Variants in DOCK4 observed in about 807,000 individuals in gnomAD.
DOCK4 encodes dedicator of cytokinesis 4, also known as dedicator of cytokinesis protein 4.
In DOCK4, 97 loss-of-function variants were observed where a neutral mutation model predicts 268.1. The observed-to-expected ratio is 0.36, with a 90% CI of 0.31 to 0.43. The LOEUF (loss-of-function observed/expected upper bound fraction) is 0.43, where lower values mean the gene tolerates loss of function less well. DOCK4 is among the 20% of genes least tolerant of loss of function. The probability of loss-of-function intolerance (pLI) is 1.00; values close to 1 mark genes in which losing one functional copy is unlikely to be tolerated. For missense variants in DOCK4, 2,145 were observed against 2,455.7 expected (o/e 0.87, Z 2.67); for synonymous variants, 954 against 887.2 (o/e 1.08, Z -1.34).
chr7:111,815,321 C>T (rs1250837274), intron 27 of DOCK4, among the ~76,000 whole-genome samples: 1 of 152,212 alleles, frequency 6.6e-6, no homozygotes, highest in Non-Finnish European at 1.5e-5. Context: ...TCTATGGTAA[C>T]TCATCACTGA....
At position 111,806,603 on chromosome 7, in the gene DOCK4, T is replaced by A. The variant is rs1267348723; in HGVS notation, c.3166+2218A>T. 2.6e-5 allele frequency among the ~76,000 whole-genome samples: 4 copies of A among 152,168 alleles called. No homozygotes were observed. The East Asian group carries it at 7.7e-4, about 29-fold the overall frequency. On this transcript the variant is annotated intron_variant, in intron 30 of 52. Transcript: ENST00000428084. The stretch of plus-strand genomic sequence containing the variant: ...CAGCGTCTTAGGATTGTGCTAGAGC[T>A]AAGTCTTTATGGCTGTAACAACAAA...
chr7:112,186,433 T>G (rs1028571422), intron 1 of DOCK4, among the ~76,000 whole-genome samples: 10 of 152,156 alleles, frequency 6.6e-5, no homozygotes, highest in Non-Finnish European at 1.5e-4. Flanking sequence ...TCTAGAACAT[T>G]TCTGTTCCTA....
At chr7:111,807,483 T>A (rs1374847872) in intron 30 of DOCK4, 2 of 151,762 alleles carry the variant, frequency 1.3e-5, no homozygotes, top group Non-Finnish European at 2.9e-5. Flanking sequence ...CTTTTTTTTT[T>A]TTTTTTGAGT....
intron 1 of DOCK4, among the ~76,000 whole-genome samples, chr7:112,202,674 G>A (rs928337115): frequency 1.3e-5 from 2 of 151,820 alleles, no homozygotes; most frequent in African/African-American, 4.8e-5. Context: ...CCAGGAGCTT[G>A]AGGCTACAGG....
Position 112,150,810 on chromosome 7 carries a change from A to G in DOCK4, c.37+55292T>C, listed in dbSNP as rs111669756. Among the ~76,000 whole-genome samples, 121 of 152,296 alleles carry G rather than the reference A, an allele frequency of 7.9e-4. 1 individual carries two copies. Among genetic ancestry groups the G allele is most frequent in the African/African-American group, 2.7e-3 (111 of 41,578 alleles). On this transcript the variant is annotated intron_variant, in intron 1 of 52. Transcript: ENST00000428084. ...ACCATGGTCCCTTCTTAGGACTTCT[A>G]TATATTCAGACACCATTTCCTACCC...
intron 1 of DOCK4, among the ~76,000 whole-genome samples, chr7:112,086,047 G>T (rs553167122): frequency 6.6e-6 from 1 of 151,908 alleles, no homozygotes; most frequent in Non-Finnish European, 1.5e-5. Flanking sequence ...AAAAATCCTC[G>T]GAAATGTATA....
At chr7:111,827,672 T>C (rs776949448) in intron 26 of DOCK4, among the ~76,000 whole-genome samples, 2 of 152,044 alleles carry the variant, frequency 1.3e-5, no homozygotes, top group Non-Finnish European at 2.9e-5. Flanking sequence ...AAAAAATGAT[T>C]CAGAGGAATT....
At chr7:111,876,329 G>A (rs979243769) in intron 17 of DOCK4, among the ~76,000 whole-genome samples, 28 of 152,082 alleles carry the variant, frequency 1.8e-4, no homozygotes, top group African/African-American at 6.3e-4. Flanking sequence ...TACAAATGCT[G>A]TTCTCTGACA....
intron 52 of DOCK4, 90 bp from the exon 53 acceptor site, chr7:111,728,810 C>G (rs527259432): frequency 7.7e-7 from 1 of 1,295,596 alleles, no homozygotes; most frequent in Non-Finnish European, 1.0e-6. Context: ...GCGGAGGCCC[C>G]GGCCCCCAGC....
Position 111,727,355 on chromosome 7 carries a change from TAA to T in DOCK4, c.*917_*918del, listed in dbSNP as rs969785544. ...TTTAATCGTGCTAATACATTTTCAC[TAA>T]GTTTTTTTTTTCTTCACTTAAGCTA... On this transcript the variant is annotated 3_prime_UTR_variant, in exon 53 of 53. Transcript: ENST00000428084. The T allele has an allele frequency of 6.5e-6, 1 of 152,756 alleles. No individual in the cohort carries two copies. The highest frequency in any genetic ancestry group is 1.5e-5 in the Non-Finnish European group (1 of 68,024). 9.5% of individuals were successfully genotyped at this position (152,756 alleles called of 1,614,324 possible).
intron 1 of DOCK4, among the ~76,000 whole-genome samples, chr7:112,205,302 G>A (rs1299873963): frequency 6.6e-6 from 1 of 152,000 alleles, no homozygotes; most frequent in East Asian, 1.9e-4. Context: ...CCAAGAACCA[G>A]GCTTTCCGAT....
At chr7:112,010,352 C>T (rs1349596348) in intron 1 of DOCK4, among the ~76,000 whole-genome samples, 1 of 152,182 alleles carries the variant, frequency 6.6e-6, no homozygotes, top group African/African-American at 2.4e-5. Flanking sequence ...TTGGTACTGT[C>T]ATTTTGAAAG....
intron 1 of DOCK4, among the ~76,000 whole-genome samples, chr7:112,006,181 C>T (rs1030950766): frequency 1.3e-5 from 2 of 152,086 alleles, no homozygotes; most frequent in Non-Finnish European, 2.9e-5. Flanking sequence ...TGTGTGACCT[C>T]GGTCAGGATA....
At chr7:111,940,683 G>A (rs1795135691) in intron 10 of DOCK4, among the ~76,000 whole-genome samples, 1 of 152,210 alleles carries the variant, frequency 6.6e-6, no homozygotes, top group African/African-American at 2.4e-5. Context: ...AGTACAGCAA[G>A]TAAGCACAGG....
intron 1 of DOCK4, among the ~76,000 whole-genome samples, chr7:112,109,466 A>C (rs1416097993): frequency 6.6e-6 from 1 of 152,172 alleles, no homozygotes; most frequent in Non-Finnish European, 1.5e-5. Context: ...TTTGAAGAAA[A>C]TGCTCTATAA....
chr7:111,777,886 C>T (rs1798552804), intron 36 of DOCK4, among the ~76,000 whole-genome samples: 1 of 152,160 alleles, frequency 6.6e-6, no homozygotes, highest in African/African-American at 2.4e-5. Flanking sequence ...TCCCCAGCCA[C>T]GTGGAACTGT....
chr7:111,891,372 T>C (rs1037966730), intron 16 of DOCK4, among the ~76,000 whole-genome samples: 1 of 152,220 alleles, frequency 6.6e-6, no homozygotes, highest in African/African-American at 2.4e-5. Context: ...AATATATGCA[T>C]GTATAAAGTA....
At chr7:111,943,217 A>C (rs1239476357) in intron 10 of DOCK4, among the ~76,000 whole-genome samples, 1 of 152,204 alleles carries the variant, frequency 6.6e-6, no homozygotes, top group Non-Finnish European at 1.5e-5. Context: ...TTAATGACTT[A>C]ATGACCATAA....
At chr7:111,808,982 G>C (rs1258894244) in intron 29 of DOCK4, 103 bp from the exon 30 acceptor site, 2 of 1,339,488 alleles carry the variant, frequency 1.5e-6, no homozygotes, top group Non-Finnish European at 2.1e-6. Context: ...ACAAGGCAAG[G>C]AGTTTTTAAT....
Sources: allele counts gnomAD v4.1 joint callset (sites outside exome capture counted in the v4.1 genomes callset), GRCh38; gene constraint gnomAD v4.1.1; transcripts MANE v1.5; gene names NCBI Gene and HGNC (gene_info 2026-07-23, HGNC 2026-07-21).